Variants in CFAP299 observed in about 807,000 individuals in gnomAD.
CFAP299 encodes cilia and flagella associated protein 299, also known as cilia- and flagella-associated protein 299.
Under a neutral mutation model 27.0 loss-of-function variants are expected in CFAP299, and 21 were observed. The observed-to-expected ratio is 0.78, with a 90% CI of 0.55 to 1.12. CFAP299 has a LOEUF of 1.12. CFAP299 is among the 50% of genes most tolerant of loss of function. The probability of loss-of-function intolerance (pLI) is 0.00; values close to 1 mark genes in which losing one functional copy is unlikely to be tolerated. For synonymous variants in CFAP299, 104 were observed against 98.1 expected (o/e 1.06, Z -0.36); for missense variants, 310 against 276.6 (o/e 1.12, Z -0.86).
chr4:80,561,448 T>C (rs570690383), intron 2 of CFAP299, among the ~76,000 whole-genome samples: 1 of 152,200 alleles, frequency 6.6e-6, no homozygotes, highest in African/African-American at 2.4e-5. Context: ...CAGGAAAACA[T>C]GACCTCATCA....
intron 4 of CFAP299, among the ~76,000 whole-genome samples, chr4:80,909,976 C>T (rs1735385543): frequency 6.6e-6 from 1 of 152,044 alleles, no homozygotes; most frequent in Non-Finnish European, 1.5e-5. Flanking sequence ...TGAATTAACT[C>T]ATGCTTTAAA....
Position 80,956,564 on chromosome 4 carries a change from C to T in CFAP299, c.607-6953C>T, listed in dbSNP as rs561243339. On this transcript the variant is annotated intron_variant, in intron 5 of 5. Coordinates refer to ENST00000358105, the MANE Select transcript of CFAP299 (RefSeq NM_152770.3). ...CCCACTTCCACCCCGGCACATTTCC[C>T]CTCTCTAGCCTCTGGCGTAGCTGGG... 8.5e-5 allele frequency among the ~76,000 whole-genome samples: 13 copies of T among 152,200 alleles called. No individual in the cohort carries two copies. The East Asian group carries it at 2.5e-3, about 29-fold the overall frequency.
At chr4:80,397,954 A>C (rs374216569) in intron 2 of CFAP299, among the ~76,000 whole-genome samples, 1 of 152,214 alleles carries the variant, frequency 6.6e-6, no homozygotes, top group Non-Finnish European at 1.5e-5. Flanking sequence ...TCTCAGCCCA[A>C]AATCTCCTTA....
chr4:80,767,538 G>C (rs1725950006), intron 3 of CFAP299, among the ~76,000 whole-genome samples: 1 of 152,190 alleles, frequency 6.6e-6, no homozygotes, highest in South Asian at 2.1e-4. Flanking sequence ...GAACCCAGGA[G>C]GCGGAGCTTG....
At chr4:80,390,648 TGTACACAC>T (rs1725330890) in intron 2 of CFAP299, among the ~76,000 whole-genome samples, 8 of 116,886 alleles carry the variant, frequency 6.8e-5, no homozygotes, top group African/African-American at 1.0e-4. Context: ...CATATATGTA[TGTACACAC>T]ATATGTATAT....
chr4:80,857,988 G>A (rs1427677113), intron 3 of CFAP299, among the ~76,000 whole-genome samples: 1 of 152,066 alleles, frequency 6.6e-6, no homozygotes, highest in African/African-American at 2.4e-5. Context: ...AATGGTACCT[G>A]TTCCTCCTTG....
intron 2 of CFAP299, among the ~76,000 whole-genome samples, chr4:80,521,509 G>A (rs1359999811): frequency 6.6e-6 from 1 of 152,018 alleles, no homozygotes; most frequent in Non-Finnish European, 1.5e-5. Flanking sequence ...AAATTTTAAT[G>A]TGTACAGCAC....
intron 4 of CFAP299, among the ~76,000 whole-genome samples, chr4:80,912,694 T>C (rs1309021146): frequency 1.3e-5 from 2 of 152,186 alleles, no homozygotes; most frequent in African/African-American, 2.4e-5. Context: ...GTGTCTGATA[T>C]GTCAGAATCA....
rs183918677 is a variant in CFAP299, at chr4:80,688,432, T to A, written c.333+105249T>A. Among the ~76,000 whole-genome samples, 404 of 152,124 alleles carry A rather than the reference T, an allele frequency of 2.7e-3. 2 individuals carry two copies. The highest frequency in any genetic ancestry group is 4.4e-3 in the Non-Finnish European group (302 of 68,014). ...GAGGCACCCCCCAGCAGGGGCACACTGACACCTCACACAGCCGGCCGGGTA... is the reference window on the plus strand; with the variant it reads ...GAGGCACCCCCCAGCAGGGGCACACAGACACCTCACACAGCCGGCCGGGTA... On this transcript the variant is annotated intron_variant, in intron 3 of 5. Coordinates refer to ENST00000358105, the MANE Select transcript of CFAP299 (RefSeq NM_152770.3).
chr4:80,646,667 A>G (rs950639551), intron 3 of CFAP299, among the ~76,000 whole-genome samples: 3 of 152,190 alleles, frequency 2.0e-5, no homozygotes, highest in African/African-American at 4.8e-5. Context: ...TCTTATTGAC[A>G]GAAACCATTG....
intron 5 of CFAP299, among the ~76,000 whole-genome samples, chr4:80,958,190 C>T (rs1407889113): frequency 6.6e-6 from 1 of 152,102 alleles, no homozygotes; most frequent in East Asian, 1.9e-4. Context: ...ACATAGTATA[C>T]AATATTCTTG....
chr4:80,751,090 C>A (rs1322055735), intron 3 of CFAP299, among the ~76,000 whole-genome samples: 1 of 152,146 alleles, frequency 6.6e-6, no homozygotes, highest in Non-Finnish European at 1.5e-5. Context: ...CTGGAAGAAA[C>A]ACACTCTGAC....
At chr4:80,556,555 C>T (rs72863116) in intron 2 of CFAP299, among the ~76,000 whole-genome samples, 1 of 151,878 alleles carries the variant, frequency 6.6e-6, no homozygotes, top group African/African-American at 2.4e-5. Context: ...ACAGTACTTC[C>T]TGTATAATTC....
intron 2 of CFAP299, among the ~76,000 whole-genome samples, chr4:80,403,199 T>C (rs956676629): frequency 6.6e-6 from 1 of 152,204 alleles, no homozygotes; most frequent in African/African-American, 2.4e-5. Flanking sequence ...CTTAAAATTT[T>C]TCTCTGTGAT....
At chr4:80,510,814 T>C (rs1190924872) in intron 2 of CFAP299, among the ~76,000 whole-genome samples, 1 of 152,198 alleles carries the variant, frequency 6.6e-6, no homozygotes, top group Non-Finnish European at 1.5e-5. Context: ...TATTTATCAT[T>C]TGTAGTATGT....
At chr4:80,799,848 A>AT (rs1413662533) in intron 3 of CFAP299, among the ~76,000 whole-genome samples, 4 of 27,578 alleles carry the variant, frequency 1.5e-4, no homozygotes, top group African/African-American at 9.4e-4. Flanking sequence ...TATATTATAT[A>AT]ATATATAAAT....
At chr4:80,527,569 A>G in intron 2 of CFAP299, among the ~76,000 whole-genome samples, 2 of 152,124 alleles carry the variant, frequency 1.3e-5, no homozygotes, top group Non-Finnish European at 2.9e-5. Context: ...GCCCATCCAT[A>G]ATCAGGCTTC....
At chr4:80,522,524 A>G (rs984200269) in intron 2 of CFAP299, among the ~76,000 whole-genome samples, 1 of 151,900 alleles carries the variant, frequency 6.6e-6, no homozygotes, top group Non-Finnish European at 1.5e-5. Flanking sequence ...TCACTTGTCT[A>G]TTTTTTATTT....
intron 2 of CFAP299, among the ~76,000 whole-genome samples, chr4:80,400,789 A>G (rs1397224621): frequency 4.2e-4 from 64 of 152,222 alleles, no homozygotes; most frequent in Admixed American, 4.2e-3. Context: ...AGAGGTTGGA[A>G]CAGTTTGGAG....
Sources: allele counts gnomAD v4.1 joint callset (sites outside exome capture counted in the v4.1 genomes callset), GRCh38; gene constraint gnomAD v4.1.1; transcripts MANE v1.5; gene names NCBI Gene and HGNC (gene_info 2026-07-23, HGNC 2026-07-21).